NAA40: variants seen among roughly 807,000 people sequenced by gnomAD.
NAA40 encodes the protein N-alpha-acetyltransferase 40, NatD catalytic subunit.
In NAA40, 26 loss-of-function variants were observed where a neutral mutation model predicts 36.6. That is an observed-to-expected ratio of 0.71 (90% CI 0.52 to 0.98). The LOEUF (loss-of-function observed/expected upper bound fraction) is 0.98, where lower values mean the gene tolerates loss of function less well. NAA40 is among the 50% of genes least tolerant of loss of function. The pLI is 0.00. For synonymous variants in NAA40, 129 were observed against 108.4 expected, an observed-to-expected ratio of 1.19 and a Z score of -1.18; for missense variants, 237 against 306.5, an observed-to-expected ratio of 0.77 and a Z score of 1.69.
intron 1 of NAA40, among the ~76,000 whole-genome samples, chr11:63,940,720 A>C (rs762854876): frequency 6.6e-6 from 1 of 151,286 alleles, no homozygotes; most frequent in Non-Finnish European, 1.5e-5. Flanking sequence ...TCACTCCACT[A>C]TTTATCGACT....
chr11:63,952,746 C>G lies in NAA40; in HGVS notation c.411-10C>G. ...TCCTGCACGCTCACCTCTCTGCTTT[C>G]TTCACCTAGCTATGAAGTGCAGTTG... On this transcript the variant is annotated splice_polypyrimidine_tract_variant and intron_variant, in intron 5 of 7. Transcript: ENST00000377793. 1 of 1,614,108 alleles carries G rather than the reference C, an allele frequency of 6.2e-7. No individual in the cohort carries two copies. The highest frequency in any genetic ancestry group is 8.5e-7 in the Non-Finnish European group (1 of 1,180,016).
In NAA40 at chr11:63,947,067, G is replaced by A; in HGVS notation, c.155+64G>A. The A allele has an allele frequency of 7.3e-6, 11 of 1,498,848 alleles. No homozygotes were observed. The South Asian group carries it at 1.2e-4, about 17-fold the overall frequency. 92.8% of individuals were successfully genotyped at this position (1,498,848 alleles called of 1,614,324 possible). A position where few individuals can be genotyped will look rare whatever the true frequency, so the allele number is the denominator to read the frequency against. On this transcript the variant is annotated intron_variant, in intron 3 of 7. Transcript: ENST00000377793. The stretch of plus-strand genomic sequence containing the variant: ...AGTGTCTTCAGGAATTCCCTTTCCA[G>A]AGTAGGCTTCCTCAGACACAAATTT...
chr11:63,953,750 G>C (rs544981306), intron 6 of NAA40, among the ~76,000 whole-genome samples: 1 of 152,262 alleles, frequency 6.6e-6, no homozygotes, highest in Non-Finnish European at 1.5e-5. Flanking sequence ...CTCTGGAGTA[G>C]CTGGGACTAA....
intron 3 of NAA40, among the ~76,000 whole-genome samples, chr11:63,949,878 G>A (rs1175945047): frequency 6.6e-6 from 1 of 150,430 alleles, no homozygotes; most frequent in Non-Finnish European, 1.5e-5. Flanking sequence ...CCGAGTAGCT[G>A]GGACTACAGG....
intron 1 of NAA40, among the ~76,000 whole-genome samples, chr11:63,943,409 C>T (rs1361959135): frequency 6.6e-6 from 1 of 152,190 alleles, no homozygotes; most frequent in Non-Finnish European, 1.5e-5. Flanking sequence ...CTGAGGGCTT[C>T]TGAAGCCCAG....
In NAA40 at chr11:63,954,366, A is replaced by G. The variant is rs757893046; in HGVS notation, c.601A>G (p.Met201Val). ...QFEIDDSSPS[M>V]SGCCGEDCSY... ...TGAAATTGATGACTCTTCCCCCAGC[A>G]TGTCCGGTTGCTGTGGGGAGGATTG... The change falls in exon 8 of 8, where the codon ATG (methionine) becomes GTG (valine). Residue 201 changes from methionine to valine, a missense_variant. Transcript: ENST00000377793. 2 of 1,605,722 alleles carry G rather than the reference A, an allele frequency of 1.2e-6. No homozygotes were observed. The highest frequency in any genetic ancestry group is 1.7e-6 in the Non-Finnish European group (2 of 1,176,706).
At chr11:63,947,539 C>A (rs975122402) in intron 3 of NAA40, among the ~76,000 whole-genome samples, 1 of 152,062 alleles carries the variant, frequency 6.6e-6, no homozygotes, top group Admixed American at 6.6e-5. Context: ...AGACTGATGT[C>A]TCTTTAGATA....
chr11:63,954,218 C>T (rs1473661627), intron 7 of NAA40, 120 bp from the exon 8 acceptor site: 1 of 1,424,144 alleles, frequency 7.0e-7, no homozygotes, highest in Non-Finnish European at 9.5e-7. Context: ...GGTCCACTGT[C>T]CACCTCCTGC....
At chr11:63,941,519 G>C (rs902779753) in intron 1 of NAA40, among the ~76,000 whole-genome samples, 1 of 151,998 alleles carries the variant, frequency 6.6e-6, no homozygotes, top group Non-Finnish European at 1.5e-5. Flanking sequence ...TCTGAAAAGT[G>C]GCTCCTCCTC....
chr11:63,946,371 A>C, intron 2 of NAA40: 23 of 255,636 alleles, frequency 9.0e-5, no homozygotes, highest in Non-Finnish European at 1.4e-4. Flanking sequence ...CCACCACCAC[A>C]CCCGGGTAAT....
intron 1 of NAA40, among the ~76,000 whole-genome samples, chr11:63,941,677 C>T (rs1317139606): frequency 1.3e-5 from 2 of 152,062 alleles, no homozygotes; most frequent in Admixed American, 6.6e-5. Flanking sequence ...CTCAGCCTCC[C>T]GAGTAGCTGG....
At chr11:63,940,808 G>A (rs1942097008) in intron 1 of NAA40, among the ~76,000 whole-genome samples, 1 of 151,846 alleles carries the variant, frequency 6.6e-6, no homozygotes, top group South Asian at 2.1e-4. Flanking sequence ...AAATAGTTTT[G>A]GGTATTACGT....
chr11:63,941,261 C>T (rs1942104676), intron 1 of NAA40, among the ~76,000 whole-genome samples: 1 of 152,188 alleles, frequency 6.6e-6, no homozygotes, highest in Non-Finnish European at 1.5e-5. Flanking sequence ...ACTGTGGGTG[C>T]TGGGGAAGTC....
intron 1 of NAA40, among the ~76,000 whole-genome samples, chr11:63,941,158 A>G (rs1942102022): frequency 6.6e-6 from 1 of 152,214 alleles, no homozygotes. Context: ...ATGAGACCCT[A>G]CAAAGTCTCT....
intron 5 of NAA40, 43 bp from the exon 6 acceptor site, chr11:63,952,713 A>G (rs749769537): frequency 1.9e-6 from 3 of 1,610,592 alleles, no homozygotes; most frequent in South Asian, 2.2e-5. Flanking sequence ...CAGCCTCTTC[A>G]TGTCCCATCC....
chr11:63,954,374 T>G lies in NAA40; in HGVS notation c.609T>G (p.Gly203=). 4.3e-6 allele frequency: 7 copies of G among 1,610,502 alleles called. No homozygotes were observed. Among genetic ancestry groups the G allele is most frequent in the Non-Finnish European group, 5.9e-6 (7 of 1,178,546 alleles). The change falls in exon 8 of 8, where the codon GGT becomes GGG. Residue 203 remains glycine (G), a synonymous_variant. Transcript: ENST00000377793. ...EIDDSSPSMS[G]CCGEDCSYEI... is the part of the protein sequence containing the mutation. ...ATGACTCTTCCCCCAGCATGTCCGG[T>G]TGCTGTGGGGAGGATTGCTCCTATG...
chr11:63,946,548 C>T, intron 2 of NAA40: 1 of 1,165,800 alleles, frequency 8.6e-7, no homozygotes, highest in Non-Finnish European at 1.1e-6. Context: ...TTCTTTTAAC[C>T]CACTCATAGT....
At chr11:63,947,727 G>T (rs1214061456) in intron 3 of NAA40, among the ~76,000 whole-genome samples, 4 of 118,172 alleles carry the variant, frequency 3.4e-5, no homozygotes, top group South Asian at 2.7e-4. Context: ...ATTTTTGTGG[G>T]TTTTTTTTTT....
chr11:63,946,452 G>A, intron 2 of NAA40: 2 of 915,650 alleles, frequency 2.2e-6, no homozygotes, highest in South Asian at 2.9e-5. Flanking sequence ...CATTTCACCT[G>A]CCTTGGCCTC....
Sources: allele counts gnomAD v4.1 joint callset (sites outside exome capture counted in the v4.1 genomes callset), GRCh38; gene constraint gnomAD v4.1.1; transcripts MANE v1.5; gene names NCBI Gene and HGNC (gene_info 2026-07-23, HGNC 2026-07-21).